PDE11A: variants seen among roughly 807,000 people sequenced by gnomAD.
PDE11A encodes the protein dual 3',5'-cyclic-AMP and -GMP phosphodiesterase 11A.
A neutral mutation model predicts 100.5 loss-of-function variants in PDE11A; 100 were observed. The ratio of observed to expected loss-of-function variants is 1.00; its 90% confidence interval spans 0.85 to 1.18. The LOEUF (loss-of-function observed/expected upper bound fraction) is 1.18. Among genes scored for constraint, PDE11A ranks in the 50% most tolerant of loss-of-function variants. The pLI is 0.00. For synonymous variants in PDE11A, 381 were observed against 420.8 expected, an observed-to-expected ratio of 0.91 and a Z score of 1.16; for missense variants, 1,141 against 1,152.6, an observed-to-expected ratio of 0.99 and a Z score of 0.15.
intron 2 of PDE11A, among the ~76,000 whole-genome samples, chr2:177,932,680 C>T (rs1009281673): frequency 2.0e-5 from 3 of 151,902 alleles, no homozygotes; most frequent in Non-Finnish European, 2.9e-5. Flanking sequence ...TAATAAGAGC[C>T]ATCTATGACA....
At chr2:177,995,188 CTG>C (rs1000681177) in intron 2 of PDE11A, among the ~76,000 whole-genome samples, 15 of 152,210 alleles carry the variant, frequency 9.9e-5, no homozygotes, top group Non-Finnish European at 1.8e-4. Flanking sequence ...TGATCTATCT[CTG>C]AGGTCCAGAG....
chr2:178,041,154 G>T (rs1559051449), intron 1 of PDE11A, among the ~76,000 whole-genome samples: 1 of 151,986 alleles, frequency 6.6e-6, no homozygotes, highest in Non-Finnish European at 1.5e-5. Flanking sequence ...TGCCCAGGCT[G>T]GTCTCGAATT....
chr2:177,643,386 C>G (rs1234033317), intron 19 of PDE11A, among the ~76,000 whole-genome samples: 1 of 152,084 alleles, frequency 6.6e-6, no homozygotes, highest in African/African-American at 2.4e-5. Flanking sequence ...AATGGTGACT[C>G]TTGTTATGTT....
chr2:177,749,771 C>T (rs2082002740), intron 10 of PDE11A, among the ~76,000 whole-genome samples: 1 of 151,964 alleles, frequency 6.6e-6, no homozygotes. Flanking sequence ...ATTTCTAAGG[C>T]CCTTGGCATG....
At chr2:177,728,000 T>C in intron 11 of PDE11A, 26 bp downstream of exon 11, 1 of 1,606,280 alleles carries the variant, frequency 6.2e-7, no homozygotes, top group African/African-American at 1.3e-5. Context: ...GTGAACTGCT[T>C]GGATCACCCA....
At chr2:177,642,017 T>A (rs1196275812) in intron 19 of PDE11A, among the ~76,000 whole-genome samples, 1 of 152,166 alleles carries the variant, frequency 6.6e-6, no homozygotes, top group African/African-American at 2.4e-5. Context: ...GAGCCAGGGT[T>A]TGGTCCCAGG....
intron 4 of PDE11A, among the ~76,000 whole-genome samples, chr2:177,887,889 C>T (rs940984183): frequency 6.6e-6 from 1 of 152,046 alleles, no homozygotes; most frequent in Non-Finnish European, 1.5e-5. Context: ...AAGGGAAAAG[C>T]CAGCTGGTGA....
intron 1 of PDE11A, among the ~76,000 whole-genome samples, chr2:178,056,874 G>C (rs1407238463): frequency 6.6e-6 from 1 of 151,876 alleles, no homozygotes; most frequent in Non-Finnish European, 1.5e-5. Flanking sequence ...AGAATGAGGA[G>C]AAAAAGAGAC....
chr2:177,789,407 C>T (rs1472897506), intron 9 of PDE11A, among the ~76,000 whole-genome samples: 1 of 151,722 alleles, frequency 6.6e-6, no homozygotes, highest in Non-Finnish European at 1.5e-5. Flanking sequence ...TAAGAGCTAT[C>T]TATGACAAAC....
At chr2:177,943,309 A>C (rs141553995) in intron 2 of PDE11A, among the ~76,000 whole-genome samples, 6 of 152,342 alleles carry the variant, frequency 3.9e-5, no homozygotes, top group Admixed American at 3.9e-4. Context: ...TGTTTTCCAG[A>C]GCAGGTGCAC....
intron 2 of PDE11A, among the ~76,000 whole-genome samples, chr2:178,100,609 TATCTC>T (rs1165011323): frequency 3.3e-5 from 5 of 152,324 alleles, no homozygotes; most frequent in African/African-American, 9.6e-5. Flanking sequence ...TTATTGTTCT[TATCTC>T]ATCAGCAGAA....
chr2:177,734,564 T>A (rs1024969268), intron 10 of PDE11A, among the ~76,000 whole-genome samples: 3 of 152,170 alleles, frequency 2.0e-5, no homozygotes. Flanking sequence ...ATGCCATTCA[T>A]TAAATTTGCC....
intron 1 of PDE11A, among the ~76,000 whole-genome samples, chr2:178,038,587 C>CAGTA (rs2086645354): frequency 6.6e-6 from 1 of 151,880 alleles, no homozygotes; most frequent in South Asian, 2.1e-4. Context: ...TGACATGGAC[C>CAGTA]AGTACTCCAC....
chr2:177,920,369 A>G (rs2085023011), intron 2 of PDE11A, among the ~76,000 whole-genome samples: 1 of 152,148 alleles, frequency 6.6e-6, no homozygotes, highest in Non-Finnish European at 1.5e-5. Context: ...AAAAGATATA[A>G]ACAGGAAGTT....
intron 2 of PDE11A, among the ~76,000 whole-genome samples, chr2:178,013,615 G>A (rs2105826770): frequency 6.6e-6 from 1 of 152,204 alleles, no homozygotes; most frequent in African/African-American, 2.4e-5. Context: ...TTTGAGATTT[G>A]CTTTTAGCGC....
At chr2:178,082,634 G>T (rs2087301612) in intron 2 of PDE11A, among the ~76,000 whole-genome samples, 1 of 152,220 alleles carries the variant, frequency 6.6e-6, no homozygotes, top group Non-Finnish European at 1.5e-5. Flanking sequence ...TATGAAAGAA[G>T]AAACAAAGTG....
chr2:177,702,689 T>C (rs1438196179), intron 13 of PDE11A: 1 of 152,138 alleles, frequency 6.6e-6, no homozygotes, highest in African/African-American at 2.4e-5. Flanking sequence ...GACCTGCAAT[T>C]CTTGGAAAGA....
At chr2:177,708,815 G>A (rs953109386) in intron 13 of PDE11A, among the ~76,000 whole-genome samples, 1 of 152,068 alleles carries the variant, frequency 6.6e-6, no homozygotes, top group African/African-American at 2.4e-5. Flanking sequence ...ATGCACTGTT[G>A]TACATGCCAA....
At chr2:177,871,394 G>A (rs1036604286) in intron 5 of PDE11A, among the ~76,000 whole-genome samples, 4 of 152,056 alleles carry the variant, frequency 2.6e-5, no homozygotes, top group Admixed American at 2.6e-4. Context: ...CAGCACTGGT[G>A]AGGAGTGCAG....
Sources: gnomAD v4.1 joint callset for allele counts (sites outside exome capture counted in the v4.1 genomes callset) on GRCh38, gnomAD v4.1.1 for gene constraint, MANE v1.5 for transcripts, NCBI Gene and HGNC (gene_info 2026-07-23, HGNC 2026-07-21) for gene names.